GPD2: variants seen among roughly 807,000 people sequenced by gnomAD.
The protein encoded by GPD2 is glycerol-3-phosphate dehydrogenase, mitochondrial.
A neutral mutation model predicts 82.4 loss-of-function variants in GPD2; 54 were observed. The observed-to-expected ratio is 0.66, with a 90% CI of 0.53 to 0.82. The LOEUF (loss-of-function observed/expected upper bound fraction) is 0.82, where lower values mean the gene tolerates loss of function less well. Ranked by LOEUF, GPD2 falls within the 40% of genes least tolerant of loss-of-function variation. GPD2 has a pLI of 0.00. For missense variants in GPD2, 748 were observed against 896.2 expected (o/e 0.83, Z 2.11); for synonymous variants, 288 against 306.1 (o/e 0.94, Z 0.62).
chr2:156,424,144 A>G, the GPD2 span, among the ~76,000 whole-genome samples: 1 of 151,998 alleles, frequency 6.6e-6, no homozygotes, highest in Non-Finnish European at 1.5e-5. Context: ...CCTATGTCTA[A>G]TACCTTCTCA....
intron 1 of GPD2, among the ~76,000 whole-genome samples, chr2:156,457,217 A>G (rs1682817570): frequency 6.6e-6 from 1 of 152,222 alleles, no homozygotes; most frequent in African/African-American, 2.4e-5. Flanking sequence ...AAATACCAAG[A>G]AGTACTATTC....
At chr2:156,547,229 A>G (rs1424387013) in intron 6 of GPD2, among the ~76,000 whole-genome samples, 1 of 152,206 alleles carries the variant, frequency 6.6e-6, no homozygotes, top group East Asian at 1.9e-4. Flanking sequence ...AAAAAGGTGT[A>G]TACAAGATAA....
intron 3 of GPD2, among the ~76,000 whole-genome samples, chr2:156,501,440 A>G (rs572736444): frequency 6.6e-6 from 1 of 152,314 alleles, no homozygotes; most frequent in African/African-American, 2.4e-5. Flanking sequence ...GACCTTCGAC[A>G]AGTGGCTTAA....
intron 1 of GPD2, among the ~76,000 whole-genome samples, chr2:156,439,527 A>AAC (rs1682072618): frequency 9.4e-6 from 1 of 106,536 alleles, no homozygotes; most frequent in Admixed American, 1.0e-4. Flanking sequence ...AAAAAAAAAA[A>AAC]AAAAAAAAAA....
At chr2:156,511,160 A>G (rs910636555) in intron 4 of GPD2, among the ~76,000 whole-genome samples, 2 of 152,198 alleles carry the variant, frequency 1.3e-5, no homozygotes, top group African/African-American at 4.8e-5. Flanking sequence ...AGATTTACAA[A>G]ATCACTTTTG....
At chr2:156,421,690 A>G in the GPD2 span, among the ~76,000 whole-genome samples, 1 of 152,148 alleles carries the variant, frequency 6.6e-6, no homozygotes, top group Non-Finnish European at 1.5e-5. Flanking sequence ...TTAGAGTATG[A>G]TGTAAGATCA....
upstream of GPD2, chr2:156,435,707 G>C (rs1043703076): frequency 6.6e-6 from 1 of 152,214 alleles, no homozygotes; most frequent in Non-Finnish European, 1.5e-5. Flanking sequence ...AGGGTCGCCC[G>C]CCTCCTGGAC....
intron 15 of GPD2, among the ~76,000 whole-genome samples, chr2:156,579,438 C>T (rs1449235913): frequency 6.6e-6 from 1 of 151,158 alleles, no homozygotes. Flanking sequence ...AAGCGGTTCT[C>T]CTGCCTCAGC....
At chr2:156,527,055 GAAGA>G (rs1164939681) in intron 6 of GPD2, among the ~76,000 whole-genome samples, 1 of 152,102 alleles carries the variant, frequency 6.6e-6, no homozygotes, top group African/African-American at 2.4e-5. Context: ...TTGGGAAAAG[GAAGA>G]AAGAGAGTAA....
intron 1 of GPD2, among the ~76,000 whole-genome samples, chr2:156,451,975 C>CT (rs1039870367): frequency 6.6e-6 from 1 of 150,406 alleles, no homozygotes; most frequent in Non-Finnish European, 1.5e-5. Flanking sequence ...GGCAGAGGCG[C>CT]TCCCCACATC....
intron 6 of GPD2, among the ~76,000 whole-genome samples, chr2:156,546,546 C>G (rs1686545417): frequency 6.6e-6 from 1 of 152,024 alleles, no homozygotes; most frequent in Non-Finnish European, 1.5e-5. Flanking sequence ...TACCCTGCAT[C>G]CATGGAGGTA....
chr2:156,510,996 T>C, intron 4 of GPD2, 76 bp downstream of exon 4: 1 of 1,255,924 alleles, frequency 8.0e-7, no homozygotes, highest in South Asian at 1.2e-5. Context: ...GGTTTTTTTT[T>C]CTTTAATGGC....
chr2:156,424,794 T>G, the GPD2 span, among the ~76,000 whole-genome samples: 1 of 152,252 alleles, frequency 6.6e-6, no homozygotes, highest in South Asian at 2.1e-4. Flanking sequence ...AACACTGGGC[T>G]TAATTCCCCC....
intron 1 of GPD2, among the ~76,000 whole-genome samples, chr2:156,447,120 C>G (rs953515082): frequency 5.3e-5 from 8 of 152,122 alleles, no homozygotes; most frequent in African/African-American, 1.9e-4. Flanking sequence ...CAAATATTTA[C>G]AAGAATGCTC....
At chr2:156,483,738 TAAAG>T (rs773277557) in intron 2 of GPD2, among the ~76,000 whole-genome samples, 2 of 152,180 alleles carry the variant, frequency 1.3e-5, no homozygotes. Context: ...AAAAAGAAAA[TAAAG>T]AAACAATTTA....
At chr2:156,495,449 A>G (rs1284889031) in intron 2 of GPD2, 6 of 222,676 alleles carry the variant, frequency 2.7e-5, no homozygotes, top group Non-Finnish European at 5.0e-5. Flanking sequence ...TCTTTGACTA[A>G]ATTTTTCTGA....
chr2:156,490,885 T>C (rs906089412), intron 2 of GPD2, among the ~76,000 whole-genome samples: 2 of 152,226 alleles, frequency 1.3e-5, no homozygotes, highest in Non-Finnish European at 2.9e-5. Flanking sequence ...TATTTTTTGT[T>C]AAGTCAAGTG....
chr2:156,579,939 T>C (rs1042212838), intron 16 of GPD2, 151 bp downstream of exon 16: 2 of 686,848 alleles, frequency 2.9e-6, no homozygotes, highest in African/African-American at 1.8e-5. Flanking sequence ...GAGGTTGATA[T>C]GTCTGCCCTC....
chr2:156,522,337 A>G (rs1209734631), intron 6 of GPD2, among the ~76,000 whole-genome samples: 1 of 152,132 alleles, frequency 6.6e-6, no homozygotes, highest in Non-Finnish European at 1.5e-5. Context: ...CCATATTTGT[A>G]CTCTGTATAT....
Sources: gnomAD v4.1 joint callset for allele counts (sites outside exome capture counted in the v4.1 genomes callset) on GRCh38, gnomAD v4.1.1 for gene constraint, MANE v1.5 for transcripts, NCBI Gene and HGNC (gene_info 2026-07-23, HGNC 2026-07-21) for gene names.